Variants in PGBD5 observed in about 807,000 individuals in gnomAD.
PGBD5 encodes piggyBac transposable element derived 5.
In PGBD5, 14 loss-of-function variants were observed where a neutral mutation model predicts 47.9. That is an observed-to-expected ratio of 0.29 (90% CI 0.19 to 0.46). The LOEUF is 0.46. Ranked by LOEUF, PGBD5 falls within the 20% of genes least tolerant of loss-of-function variation. The pLI, the probability that PGBD5 is intolerant of heterozygous loss-of-function variation, is 1.00. For missense variants in PGBD5, 635 were observed against 716.0 expected, an observed-to-expected ratio of 0.89 and a Z score of 1.29; for synonymous variants, 316 against 306.3, an observed-to-expected ratio of 1.03 and a Z score of -0.33.
At chr1:230,384,139 G>C (rs570410448) in intron 1 of PGBD5, among the ~76,000 whole-genome samples, 1 of 152,298 alleles carries the variant, frequency 6.6e-6, no homozygotes, top group East Asian at 1.9e-4. Flanking sequence ...CGGAGCAACC[G>C]GGGAAGTATT....
intron 3 of PGBD5, among the ~76,000 whole-genome samples, chr1:230,349,788 G>A (rs1417391902): frequency 6.6e-6 from 1 of 152,218 alleles, no homozygotes; most frequent in Non-Finnish European, 1.5e-5. Flanking sequence ...GGGACAAGGA[G>A]CTGAGGCTGC....
intron 5 of PGBD5, among the ~76,000 whole-genome samples, chr1:230,330,751 G>A (rs1221595930): frequency 6.7e-6 from 1 of 149,404 alleles, no homozygotes; most frequent in African/African-American, 2.6e-5. Context: ...CCCTGGAGTG[G>A]GGAGGGGGGC....
At chr1:230,419,040 A>G (rs141017507) in intron 1 of PGBD5, among the ~76,000 whole-genome samples, 63 of 152,364 alleles carry the variant, frequency 4.1e-4, no homozygotes, top group African/African-American at 1.5e-3. Context: ...AATTTGACCC[A>G]GCCATCCCAT....
intron 1 of PGBD5, among the ~76,000 whole-genome samples, chr1:230,374,576 A>C (rs1667982615): frequency 6.6e-6 from 1 of 152,246 alleles, no homozygotes; most frequent in Non-Finnish European, 1.5e-5. Flanking sequence ...TGGTAGGATT[A>C]TAGGTGATCT....
intron 1 of PGBD5, among the ~76,000 whole-genome samples, chr1:230,423,090 C>T (rs190285068): frequency 3.3e-5 from 5 of 152,074 alleles, no homozygotes; most frequent in Admixed American, 3.3e-4. Flanking sequence ...GTTACATACA[C>T]ACATTTACAT....
Position 230,357,327 on chromosome 1 carries a change from A to C in PGBD5, c.332-6T>G. ...GGGCATCTTTCGGGTGGGACCTGAA[A>C]CCCAAAGACAGGTGGAGTGTTCCTT... On this transcript the variant is annotated splice_region_variant and splice_polypyrimidine_tract_variant and intron_variant, in intron 1 of 6. Coordinates refer to ENST00000391860, the MANE Select transcript of PGBD5 (RefSeq NM_001258311.2). This position sits in a 1 kb window ranked among gnomAD's most constrained non-coding sequence, Gnocchi z 5.7. 6.2e-7 allele frequency: 1 copy of C among 1,611,328 alleles called. No individual in the cohort carries two copies. The highest frequency in any genetic ancestry group is 8.5e-7 in the Non-Finnish European group (1 of 1,178,294).
intron 4 of PGBD5, among the ~76,000 whole-genome samples, chr1:230,335,262 G>GGT (rs1558192279): frequency 5.4e-4 from 1 of 1,864 alleles, no homozygotes; most frequent in African/African-American, 6.1e-3. Context: ...TACACACACA[G>GGT]ACACAAACAC....
intron 1 of PGBD5, among the ~76,000 whole-genome samples, chr1:230,382,937 GCTCT>G (rs1364573407): frequency 9.9e-5 from 15 of 152,098 alleles, no homozygotes; most frequent in Non-Finnish European, 1.9e-4. Context: ...AAGGATGCAG[GCTCT>G]CTATTTAAAA....
At chr1:230,337,386 C>T in intron 3 of PGBD5, 98 bp from the exon 4 acceptor site, 1 of 1,190,274 alleles carries the variant, frequency 8.4e-7, no homozygotes, top group Non-Finnish European at 1.1e-6. Context: ...CTCAGTCATC[C>T]AGTTGGGAGC....
At chr1:230,333,069 C>T (rs1476229877) in intron 4 of PGBD5, 28 bp from the exon 5 acceptor site, 5 of 1,564,022 alleles carry the variant, frequency 3.2e-6, no homozygotes, top group East Asian at 2.3e-5. Flanking sequence ...AAGGATCGCA[C>T]ACTCACCACC....
intron 1 of PGBD5, among the ~76,000 whole-genome samples, chr1:230,374,226 G>A (rs1667978302): frequency 6.6e-6 from 1 of 152,120 alleles, no homozygotes; most frequent in Non-Finnish European, 1.5e-5. Context: ...AGACCAGCCT[G>A]ACCAACACGG....
At chr1:230,365,442 C>T (rs1182430652) in intron 1 of PGBD5, among the ~76,000 whole-genome samples, 3 of 152,122 alleles carry the variant, frequency 2.0e-5, no homozygotes, top group African/African-American at 7.2e-5. Flanking sequence ...AATGTACCAA[C>T]TATTTAAAGG....
rs750574157 is a variant in PGBD5, at chr1:230,325,403, TTGA to T, written c.1283_1285del (p.Ile428del). ...GCATGGGATCTCCCCACTCTTCCTTTTGATGATGACTCCTGAAGGCGAGAGACA... is the reference window on the plus strand; with the variant it reads ...GCATGGGATCTCCCCACTCTTCCTTTTGATGACTCCTGAAGGCGAGAGACA... On this transcript the variant is annotated inframe_deletion, in exon 6 of 7. Transcript: ENST00000391860. The T allele has an allele frequency of 7.4e-6, 12 of 1,613,286 alleles. No individual in the cohort carries two copies. The highest frequency in any genetic ancestry group is 3.4e-6 in the Non-Finnish European group (4 of 1,179,608).
At chr1:230,363,895 C>T (rs1246808098) in intron 1 of PGBD5, among the ~76,000 whole-genome samples, 4 of 152,182 alleles carry the variant, frequency 2.6e-5, no homozygotes, top group Non-Finnish European at 5.9e-5. Flanking sequence ...ATGTAGGAAA[C>T]AGCCAATCTC....
chr1:230,383,631 C>A (rs1054506943), intron 1 of PGBD5, among the ~76,000 whole-genome samples: 1 of 152,124 alleles, frequency 6.6e-6, no homozygotes, highest in Non-Finnish European at 1.5e-5. Flanking sequence ...CCACCGCATC[C>A]CCTTGGCTTT....
In PGBD5 at chr1:230,425,561, C is replaced by T; in HGVS notation, c.331+37G>A. On this transcript the variant is annotated intron_variant, in intron 1 of 6. Coordinates refer to ENST00000391860, the MANE Select transcript of PGBD5 (RefSeq NM_001258311.2). The surrounding 1 kb of genome is among the most constrained non-coding windows in gnomAD (Gnocchi z 4.7). Reference sequence around the variant, plus strand: ...ACGCCTCCCCCGCGCCCGGTTCCAGCGCCGCCCCCGACATCCACCCGCGGG... The same window carrying T: ...ACGCCTCCCCCGCGCCCGGTTCCAGTGCCGCCCCCGACATCCACCCGCGGG... 1 of 1,213,664 alleles carries T rather than the reference C, an allele frequency of 8.2e-7. No homozygotes were observed. The highest frequency in any genetic ancestry group is 1.0e-6 in the Non-Finnish European group (1 of 975,640). The allele number at this position is 1,213,664 out of a possible 1,614,324, so 75.2% of individuals were successfully genotyped here.
At chr1:230,360,978 G>A (rs1304504842) in intron 1 of PGBD5, among the ~76,000 whole-genome samples, 6 of 152,170 alleles carry the variant, frequency 3.9e-5, no homozygotes, top group South Asian at 4.1e-4. Flanking sequence ...TTGGAAGGAC[G>A]CAGCCCAAGG....
chr1:230,374,090 T>TATG (rs1667975138), intron 1 of PGBD5, among the ~76,000 whole-genome samples: 1 of 152,164 alleles, frequency 6.6e-6, no homozygotes, highest in Admixed American at 6.6e-5. Flanking sequence ...CTCTCTACAT[T>TATG]AAAAGGAATG....
Position 230,357,422 on chromosome 1 carries a change from T to G in PGBD5, c.332-101A>C. ...TCCAATCCCTGGGTCCCTGGCCGAGTGCCCCCGCTGCCTCCAGTGCTACCG... is the reference window on the plus strand; with the variant it reads ...TCCAATCCCTGGGTCCCTGGCCGAGGGCCCCCGCTGCCTCCAGTGCTACCG... On this transcript the variant is annotated intron_variant, in intron 1 of 6. Coordinates refer to ENST00000391860, the MANE Select transcript of PGBD5 (RefSeq NM_001258311.2). The surrounding 1 kb of genome is among the most constrained non-coding windows in gnomAD (Gnocchi z 5.7). 7.9e-7 allele frequency: 1 copy of G among 1,269,800 alleles called. No homozygotes were observed. 78.7% of individuals were successfully genotyped at this position (1,269,800 alleles called of 1,614,324 possible).
Sources: gnomAD v4.1 joint callset for allele counts (sites outside exome capture counted in the v4.1 genomes callset) on GRCh38, gnomAD v4.1.1 for gene constraint, Gnocchi (gnomAD v3.1) non-coding constraint, MANE v1.5 for transcripts, NCBI Gene and HGNC (gene_info 2026-07-23, HGNC 2026-07-21) for gene names.